TRIM5: variants seen among roughly 807,000 people sequenced by gnomAD.
TRIM5 encodes tripartite motif-containing protein 5.
A neutral mutation model predicts 35.6 loss-of-function variants in TRIM5; 31 were observed. The ratio of observed to expected loss-of-function variants is 0.87; its 90% CI spans 0.65 to 1.18. The LOEUF is 1.18. TRIM5 is among the 50% of genes most tolerant of loss of function. The probability of loss-of-function intolerance (pLI) is 0.00; values close to 1 mark genes in which losing one functional copy is unlikely to be tolerated. For synonymous variants in TRIM5, 243 were observed against 215.6 expected (o/e 1.13, Z -1.11); for missense variants, 609 against 591.6 (o/e 1.03, Z -0.31).
At chr11:5,604,705 C>G in the TRIM5 span, 1 of 1,455,800 alleles carries the variant, frequency 6.9e-7, no homozygotes, top group Non-Finnish European at 9.3e-7. Context: ...CAAAGGAGTC[C>G]TTGTCCTGTC....
the TRIM5 span, chr11:5,624,998 C>A: frequency 6.6e-6 from 1 of 152,220 alleles, no homozygotes; most frequent in African/African-American, 2.4e-5. Flanking sequence ...GAATCCTGAC[C>A]ACACCCACCC....
At chr11:5,643,836 T>C in the TRIM5 span, 1 of 1,261,932 alleles carries the variant, frequency 7.9e-7, no homozygotes, top group Admixed American at 2.4e-5. Flanking sequence ...ATCCTTGAGA[T>C]GTATGGTGTA....
At chr11:5,605,134 C>T in the TRIM5 span, 5,102 of 667,684 alleles carry the variant, frequency 7.6e-3, 191 homozygotes, top group African/African-American at 0.082. Flanking sequence ...TAAAGCAGCC[C>T]GGGGCCAATG....
In TRIM5 at chr11:5,663,286, A is replaced by G; in HGVS notation, c.*1523T>C. The stretch of plus-strand genomic sequence containing the variant: ...ATTATAATTATTTTTTACAATTAAT[A>G]AACTGATTCCCACATAATTCAGTTT... On this transcript the variant is annotated 3_prime_UTR_variant, in exon 8 of 8. Coordinates refer to ENST00000380034, the MANE Select transcript of TRIM5 (RefSeq NM_033034.3). 24 of 951,020 alleles carry G rather than the reference A, an allele frequency of 2.5e-5. No individual in the cohort carries two copies. The highest frequency in any genetic ancestry group is 2.9e-5 in the Non-Finnish European group (23 of 798,692). The allele number at this position is 951,020 out of a possible 1,614,324, so 58.9% of individuals were successfully genotyped here.
At chr11:5,613,238 T>G in the TRIM5 span, among the ~76,000 whole-genome samples, 1 of 152,130 alleles carries the variant, frequency 6.6e-6, no homozygotes, top group Non-Finnish European at 1.5e-5. Context: ...GTGTAGAAAT[T>G]TGGAAGATCA....
chr11:5,648,544 C>A, the TRIM5 span, among the ~76,000 whole-genome samples: 3 of 152,042 alleles, frequency 2.0e-5, no homozygotes, highest in African/African-American at 7.2e-5. Flanking sequence ...TAAATAACAG[C>A]TTCTCCTCAC....
At chr11:5,619,507 T>C in the TRIM5 span, among the ~76,000 whole-genome samples, 1 of 138,620 alleles carries the variant, frequency 7.2e-6, no homozygotes, top group Non-Finnish European at 1.5e-5. Flanking sequence ...CTTTCCACTA[T>C]GGGAACTCAC....
At chr11:5,610,658 C>G in the TRIM5 span, 1 of 1,566,092 alleles carries the variant, frequency 6.4e-7, no homozygotes. Context: ...GTGTTGATGC[C>G]TCCCCCATCC....
In TRIM5 at chr11:5,664,432, A is replaced by G; in HGVS notation, c.*377T>C. The G allele has an allele frequency of 2.0e-6, 2 of 1,012,420 alleles. No individual in the cohort carries two copies. Among genetic ancestry groups the G allele is most frequent in the Non-Finnish European group, 2.4e-6 (2 of 845,730 alleles). 62.7% of individuals were successfully genotyped at this position (1,012,420 alleles called of 1,614,324 possible). ...GGGCTAAGGACTCATTCATTGGTGA[A>G]CAATTATCACACGATGATATAGAAA... On this transcript the variant is annotated 3_prime_UTR_variant, in exon 8 of 8. Coordinates refer to ENST00000380034, the MANE Select transcript of TRIM5 (RefSeq NM_033034.3).
At chr11:5,641,442 T>C in the TRIM5 span, 8 of 921,112 alleles carry the variant, frequency 8.7e-6, no homozygotes, top group Non-Finnish European at 1.2e-5. Flanking sequence ...GGATGAGAGC[T>C]TTTACTGTCA....
At chr11:5,590,109 T>G in the TRIM5 span, 638 of 156,064 alleles carry the variant, frequency 4.1e-3, 6 homozygotes, top group African/African-American at 0.012. Flanking sequence ...CTTAGCTGCC[T>G]TCCTGCGGGG....
At chr11:5,646,715 A>C in the TRIM5 span, among the ~76,000 whole-genome samples, 1 of 152,038 alleles carries the variant, frequency 6.6e-6, no homozygotes, top group Admixed American at 6.6e-5. Flanking sequence ...ATTTCACCCC[A>C]CTGATGTACT....
chr11:5,614,691 T>C, the TRIM5 span, among the ~76,000 whole-genome samples: 2 of 152,218 alleles, frequency 1.3e-5, no homozygotes, highest in African/African-American at 4.8e-5. Context: ...AGACATGTGG[T>C]ATAGTTATCC....
At chr11:5,629,491 A>C in the TRIM5 span, among the ~76,000 whole-genome samples, 11 of 152,124 alleles carry the variant, frequency 7.2e-5, no homozygotes, top group Non-Finnish European at 1.5e-4. Flanking sequence ...CCTTTGCCTC[A>C]CAGTTTCTTG....
the TRIM5 span, among the ~76,000 whole-genome samples, chr11:5,652,571 T>C: frequency 1.3e-5 from 2 of 152,196 alleles, no homozygotes; most frequent in African/African-American, 4.8e-5. Flanking sequence ...ACTGTAGCTT[T>C]GTAGTATGGT....
chr11:5,590,556 A>T, the TRIM5 span: 1 of 152,156 alleles, frequency 6.6e-6, no homozygotes, highest in African/African-American at 2.4e-5. Flanking sequence ...AACTAATCTG[A>T]TGGGGACGTG....
the TRIM5 span, among the ~76,000 whole-genome samples, chr11:5,647,761 T>C: frequency 6.6e-6 from 1 of 152,200 alleles, no homozygotes; most frequent in Non-Finnish European, 1.5e-5. Flanking sequence ...GACCTCGTGA[T>C]CCACCTGCCT....
chr11:5,677,866 C>T (rs530596048), intron 4 of TRIM5: 34 of 196,538 alleles, frequency 1.7e-4, no homozygotes, highest in Admixed American at 2.4e-4. Flanking sequence ...TGTATTTTGA[C>T]GTGTATTTGT....
the TRIM5 span, chr11:5,596,784 G>C: frequency 6.4e-7 from 1 of 1,550,476 alleles, no homozygotes; most frequent in Non-Finnish European, 8.9e-7. Context: ...GATAAAAGCC[G>C]AGTGAGCGCG....
Sources: allele counts gnomAD v4.1 joint callset (sites outside exome capture counted in the v4.1 genomes callset), GRCh38; gene constraint gnomAD v4.1.1; transcripts MANE v1.5; gene names NCBI Gene and HGNC (gene_info 2026-07-23, HGNC 2026-07-21).